Variants in ADCY8 observed in about 807,000 individuals in gnomAD.
ADCY8 encodes adenylate cyclase type 8.
ADCY8 carries 51 observed loss-of-function variants against 119.7 expected under a neutral mutation model. That is an observed-to-expected ratio of 0.43 (90% CI 0.34 to 0.54). The LOEUF (loss-of-function observed/expected upper bound fraction) is 0.54. ADCY8 is among the 20% of genes least tolerant of loss of function. The pLI is 0.03. For synonymous variants in ADCY8, 665 were observed against 651.0 expected (o/e 1.02, Z -0.33); for missense variants, 1,383 against 1,598.8 (o/e 0.87, Z 2.30).
chr8:130,914,652 C>T (rs1269747368), intron 5 of ADCY8, among the ~76,000 whole-genome samples: 2 of 152,152 alleles, frequency 1.3e-5, no homozygotes, highest in Non-Finnish European at 2.9e-5. Flanking sequence ...GAGGGGAGGA[C>T]CTCGGAGCAT....
At chr8:130,923,027 CA>C (rs1366107637) in intron 5 of ADCY8, among the ~76,000 whole-genome samples, 9 of 152,244 alleles carry the variant, frequency 5.9e-5, no homozygotes, top group Middle Eastern at 6.8e-3. Context: ...ATTAGTTTAT[CA>C]ACAATTATTT....
intron 8 of ADCY8, among the ~76,000 whole-genome samples, chr8:130,875,097 T>C (rs1010278251): frequency 1.3e-5 from 2 of 152,176 alleles, no homozygotes; most frequent in Non-Finnish European, 2.9e-5. Context: ...GGCTAATTGA[T>C]CTGATTAAAA....
chr8:130,807,333 T>C (rs767771994), intron 14 of ADCY8, among the ~76,000 whole-genome samples: 1 of 152,210 alleles, frequency 6.6e-6, no homozygotes, highest in Non-Finnish European at 1.5e-5. Context: ...AGGTCTCTGA[T>C]CAAATGTCAC....
At position 131,009,281 on chromosome 8, in the gene ADCY8, C is replaced by A. The variant is rs372002477; in HGVS notation, c.961-18739G>T. 2.6e-5 allele frequency among the ~76,000 whole-genome samples: 4 copies of A among 152,278 alleles called. No homozygotes were observed. The East Asian group carries it at 5.8e-4, about 22-fold the overall frequency. ...CCAAGGGCCCCCCTGCTGCTCTGTGCAGCCTCAGGACTTGGCGCTCTGAGC... is the reference window on the plus strand; with the variant it reads ...CCAAGGGCCCCCCTGCTGCTCTGTGAAGCCTCAGGACTTGGCGCTCTGAGC... On this transcript the variant is annotated intron_variant, in intron 1 of 17. Coordinates refer to ENST00000286355, the MANE Select transcript of ADCY8 (RefSeq NM_001115.3).
chr8:131,036,269 A>G (rs1445456138), intron 1 of ADCY8, among the ~76,000 whole-genome samples: 1 of 152,204 alleles, frequency 6.6e-6, no homozygotes, highest in East Asian at 1.9e-4. Context: ...AAGGGTGCTT[A>G]GTTACATGTA....
At chr8:130,842,543 T>C (rs1817177626) in intron 11 of ADCY8, among the ~76,000 whole-genome samples, 1 of 152,186 alleles carries the variant, frequency 6.6e-6, no homozygotes, top group Non-Finnish European at 1.5e-5. Flanking sequence ...TCTTCTGCAC[T>C]ATCTAATATT....
chr8:130,782,590 G>A (rs1157567355), intron 17 of ADCY8, among the ~76,000 whole-genome samples: 1 of 152,218 alleles, frequency 6.6e-6, no homozygotes, highest in Admixed American at 6.5e-5. Flanking sequence ...AATTTACTTA[G>A]AATATCTCTG....
chr8:130,994,310 C>T (rs1250232087), intron 1 of ADCY8, among the ~76,000 whole-genome samples: 1 of 152,174 alleles, frequency 6.6e-6, no homozygotes, highest in Non-Finnish European at 1.5e-5. Flanking sequence ...TGTAAACTGC[C>T]AATTTCTCTG....
rs114995564 is a variant in ADCY8 at position 130,879,859 on chromosome 8, T to C, written c.2109+4705A>G. Among the ~76,000 whole-genome samples the C allele has an allele frequency of 9.0e-3, 1,363 of 152,260 alleles. 18 individuals carry two copies. The highest frequency in any genetic ancestry group is 0.031 in the African/African-American group (1,305 of 41,568). On this transcript the variant is annotated intron_variant, in intron 8 of 17. Coordinates refer to ENST00000286355, the MANE Select transcript of ADCY8 (RefSeq NM_001115.3). Reference sequence around the variant, plus strand: ...TCTATTTTTATAAAAATTTTTGATATGGTTTGGCTCTCTGTCCCCACCCAA... The same window carrying C: ...TCTATTTTTATAAAAATTTTTGATACGGTTTGGCTCTCTGTCCCCACCCAA...
Position 130,960,695 on chromosome 8 carries a change from A to G in ADCY8, c.1111-8697T>C, listed in dbSNP as rs562164598. 9.2e-5 allele frequency among the ~76,000 whole-genome samples: 14 copies of G among 152,238 alleles called. No individual in the cohort carries two copies. The South Asian group carries it at 2.9e-3, about 32-fold the overall frequency. On this transcript the variant is annotated intron_variant, in intron 2 of 17. Transcript: ENST00000286355. ...TGCCAGAAGATACAGCAACAACACT[A>G]AAGTAGATTGAATACAAACAGGGGA...
At chr8:130,990,003 T>C (rs1822525029) in intron 2 of ADCY8, among the ~76,000 whole-genome samples, 1 of 152,200 alleles carries the variant, frequency 6.6e-6, no homozygotes, top group South Asian at 2.1e-4. Flanking sequence ...ATGCGCTTAC[T>C]CTAATTTGAA....
chr8:130,968,524 TG>T (rs1333271319), intron 2 of ADCY8, among the ~76,000 whole-genome samples: 2 of 152,164 alleles, frequency 1.3e-5, no homozygotes, highest in African/African-American at 4.8e-5. Context: ...ACAATGGCAG[TG>T]AAAAAAACAG....
chr8:130,888,072 C>T (rs2130474330), intron 7 of ADCY8, among the ~76,000 whole-genome samples: 1 of 152,056 alleles, frequency 6.6e-6, no homozygotes, highest in African/African-American at 2.4e-5. Flanking sequence ...AAATGTGATT[C>T]CAGTATTAAA....
At chr8:130,890,950 G>C (rs1483374383) in intron 7 of ADCY8, among the ~76,000 whole-genome samples, 1 of 152,152 alleles carries the variant, frequency 6.6e-6, no homozygotes, top group East Asian at 1.9e-4. Flanking sequence ...TGCTGATATG[G>C]AAAAGACCTA....
chr8:130,860,239 T>A lies in ADCY8; in HGVS notation c.2210+7607A>T, dbSNP rs1817881870. ...TGTTTGTTTAAATCTTTTGTCCATT[T>A]AAAAAATTGGGTTGTTTTCTAGTTG... is the stretch of plus-strand genomic sequence containing the variant. On this transcript the variant is annotated intron_variant, in intron 9 of 17. Transcript: ENST00000286355. Among the ~76,000 whole-genome samples, 4 of 152,232 alleles carry A rather than the reference T, an allele frequency of 2.6e-5. 1 individual carries two copies. In the South Asian group the frequency reaches 8.3e-4, roughly 31 times the overall value.
chr8:130,941,862 C>T (rs1389928057), intron 4 of ADCY8, among the ~76,000 whole-genome samples: 1 of 152,208 alleles, frequency 6.6e-6, no homozygotes. Context: ...ATATCCTGCT[C>T]TGATTTCTTT....
At chr8:131,022,515 T>C (rs536973717) in intron 1 of ADCY8, among the ~76,000 whole-genome samples, 1 of 152,328 alleles carries the variant, frequency 6.6e-6, no homozygotes, top group East Asian at 1.9e-4. Context: ...CTTTATCCAG[T>C]CTATCATTGA....
chr8:130,820,730 G>C (rs893235196), intron 13 of ADCY8, among the ~76,000 whole-genome samples: 1 of 152,136 alleles, frequency 6.6e-6, no homozygotes, highest in African/African-American at 2.4e-5. Flanking sequence ...AAAGAGTAGG[G>C]GCTCATGGAA....
At chr8:130,824,352 G>T (rs1307639442) in intron 12 of ADCY8, among the ~76,000 whole-genome samples, 1 of 151,600 alleles carries the variant, frequency 6.6e-6, no homozygotes, top group Non-Finnish European at 1.5e-5. Context: ...TCCCATTCTA[G>T]AAAAAAAATC....
Sources: allele counts gnomAD v4.1 joint callset (sites outside exome capture counted in the v4.1 genomes callset), GRCh38; gene constraint gnomAD v4.1.1; transcripts MANE v1.5; gene names NCBI Gene and HGNC (gene_info 2026-07-23, HGNC 2026-07-21).